Variants in RALYL observed in about 807,000 individuals in gnomAD.
RALYL encodes the protein RALY RNA binding protein like.
Under a neutral mutation model 35.1 loss-of-function variants are expected in RALYL, and 29 were observed. That is an observed-to-expected ratio of 0.83 (90% CI 0.61 to 1.13). The LOEUF is 1.13. RALYL is among the 50% of genes most tolerant of loss of function. RALYL has a pLI of 0.00. For missense variants in RALYL, 359 were observed against 360.4 expected (o/e 1.00, Z 0.03); for synonymous variants, 120 against 127.6 (o/e 0.94, Z 0.40).
chr8:84,356,563 G>A (rs972347979), intron 1 of RALYL, among the ~76,000 whole-genome samples: 1 of 149,844 alleles, frequency 6.7e-6, no homozygotes, highest in Non-Finnish European at 1.5e-5. Flanking sequence ...TTTATAATAA[G>A]CAAATTTTTT....
At chr8:84,468,282 C>T (rs1407258150) in intron 1 of RALYL, among the ~76,000 whole-genome samples, 2 of 151,956 alleles carry the variant, frequency 1.3e-5, no homozygotes, top group Non-Finnish European at 2.9e-5. Flanking sequence ...CGGCTGGTAC[C>T]CGTTGTTCCT....
At chr8:84,765,529 A>G (rs1813711494) in intron 2 of RALYL, among the ~76,000 whole-genome samples, 1 of 152,144 alleles carries the variant, frequency 6.6e-6, no homozygotes, top group African/African-American at 2.4e-5. Flanking sequence ...AAACATCTAT[A>G]TATACGAAGT....
chr8:84,654,283 A>G (rs1487822418), intron 2 of RALYL, among the ~76,000 whole-genome samples: 1 of 93,818 alleles, frequency 1.1e-5, no homozygotes, highest in Non-Finnish European at 2.0e-5. Flanking sequence ...ATATATATAT[A>G]TATATATATA....
chr8:84,576,417 T>C (rs1218229964), intron 2 of RALYL, among the ~76,000 whole-genome samples: 1 of 152,198 alleles, frequency 6.6e-6, no homozygotes, highest in Admixed American at 6.5e-5. Context: ...GAAAAAACAA[T>C]TGTGCCAACT....
rs150549297 is a variant in RALYL at position 84,410,639 on chromosome 8, G to T, written c.-23-118660G>T. 3.2e-3 allele frequency among the ~76,000 whole-genome samples: 490 copies of T among 151,758 alleles called. 4 individuals are homozygous for T. Among genetic ancestry groups the T allele is most frequent in the African/African-American group, 0.012 (478 of 41,472 alleles). On this transcript the variant is annotated intron_variant, in intron 1 of 8. Transcript: ENST00000521268. ...TTTAAAAACTAATTAAGATCACATT[G>T]CAGTGAAGAATGACCCCATTTAATA...
intron 2 of RALYL, among the ~76,000 whole-genome samples, chr8:84,722,731 TTATAC>T (rs1384492705): frequency 6.8e-6 from 1 of 147,376 alleles, no homozygotes; most frequent in Non-Finnish European, 1.5e-5. Context: ...ATATATAATA[TTATAC>T]ATATCACTCT....
chr8:84,427,475 A>G (rs2046620359), intron 1 of RALYL, among the ~76,000 whole-genome samples: 1 of 152,144 alleles, frequency 6.6e-6, no homozygotes, highest in Non-Finnish European at 1.5e-5. Flanking sequence ...TTCAATTGCT[A>G]TTGCTCCACA....
intron 1 of RALYL, among the ~76,000 whole-genome samples, chr8:84,527,964 T>C (rs1044296622): frequency 6.6e-6 from 1 of 152,174 alleles, no homozygotes; most frequent in Non-Finnish European, 1.5e-5. Flanking sequence ...ATTTGAAACA[T>C]TTTATGCTAC....
intron 6 of RALYL, among the ~76,000 whole-genome samples, chr8:84,863,493 T>C (rs1238624409): frequency 3.3e-5 from 5 of 152,158 alleles, no homozygotes; most frequent in Non-Finnish European, 1.5e-5. Flanking sequence ...TTGGATTTAC[T>C]CTGCATCCCA....
chr8:84,809,737 C>T (rs1229547296), intron 4 of RALYL, among the ~76,000 whole-genome samples: 1 of 151,980 alleles, frequency 6.6e-6, no homozygotes, highest in Non-Finnish European at 1.5e-5. Flanking sequence ...GGAATTTATC[C>T]ATCTGTTCTA....
intron 1 of RALYL, among the ~76,000 whole-genome samples, chr8:84,498,550 G>A (rs2056330753): frequency 6.6e-6 from 1 of 150,470 alleles, no homozygotes; most frequent in Admixed American, 6.6e-5. Flanking sequence ...AACCTTTCTA[G>A]TATTGAATAT....
chr8:84,779,596 C>T (rs1445493445), intron 3 of RALYL, among the ~76,000 whole-genome samples: 1 of 152,154 alleles, frequency 6.6e-6, no homozygotes, highest in Non-Finnish European at 1.5e-5. Context: ...TCAAGATTGT[C>T]ACAAGTCATT....
At chr8:84,753,325 C>T (rs1473017894) in intron 2 of RALYL, among the ~76,000 whole-genome samples, 5 of 152,148 alleles carry the variant, frequency 3.3e-5, no homozygotes, top group East Asian at 1.9e-4. Context: ...TTTACAGGCT[C>T]ATAGGCAGAA....
chr8:84,262,521 T>C (rs2131828400), intron 1 of RALYL, among the ~76,000 whole-genome samples: 1 of 152,344 alleles, frequency 6.6e-6, no homozygotes, highest in Non-Finnish European at 1.5e-5. Context: ...TGTTGTTTTT[T>C]ATAAATGTTT....
rs564018242 is a variant in RALYL, at chr8:84,285,682, G to A, written c.-24+101258G>A. Among the ~76,000 whole-genome samples the A allele has an allele frequency of 2.6e-5, 4 of 152,250 alleles. No individual in the cohort carries two copies. In the East Asian group the frequency reaches 7.7e-4, roughly 29 times the overall value. ...AAGAAGATACTTCGCTCAAGGAATA[G>A]CAAGTGTAAAGGTTCTGGGGTAAAA... On this transcript the variant is annotated intron_variant, in intron 1 of 8. Transcript: ENST00000521268.
intron 2 of RALYL, among the ~76,000 whole-genome samples, chr8:84,725,591 C>A (rs1192271587): frequency 1.3e-5 from 2 of 151,596 alleles, no homozygotes; most frequent in African/African-American, 4.8e-5. Context: ...CCTTTAATAA[C>A]AATAATTTTT....
chr8:84,674,240 G>T (rs1486854454), intron 2 of RALYL, among the ~76,000 whole-genome samples: 1 of 152,158 alleles, frequency 6.6e-6, no homozygotes, highest in Non-Finnish European at 1.5e-5. Context: ...CTGAGACTTT[G>T]CTGAAGTTGC....
At chr8:84,269,480 T>A (rs1018006908) in intron 1 of RALYL, among the ~76,000 whole-genome samples, 4 of 152,232 alleles carry the variant, frequency 2.6e-5, no homozygotes, top group African/African-American at 9.6e-5. Flanking sequence ...GATTTAAACC[T>A]ACTTTGTTTT....
chr8:84,481,316 T>C (rs1041741790), intron 1 of RALYL, among the ~76,000 whole-genome samples: 5 of 152,188 alleles, frequency 3.3e-5, no homozygotes, highest in African/African-American at 1.2e-4. Flanking sequence ...GTTGTAGAAT[T>C]CATGAGTATT....
Sources: allele counts gnomAD v4.1 joint callset (sites outside exome capture counted in the v4.1 genomes callset), GRCh38; gene constraint gnomAD v4.1.1; transcripts MANE v1.5; gene names NCBI Gene and HGNC (gene_info 2026-07-23, HGNC 2026-07-21).